Variants in PTPRT observed in about 807,000 individuals in gnomAD.
The protein encoded by PTPRT is receptor-type tyrosine-protein phosphatase T.
Under a neutral mutation model 176.8 loss-of-function variants are expected in PTPRT, and 56 were observed. The observed-to-expected ratio is 0.32, with a 90% CI of 0.26 to 0.40. The LOEUF is 0.40. Ranked by LOEUF, PTPRT falls within the 10% of genes least tolerant of loss-of-function variation. PTPRT has a pLI of 1.00. For synonymous variants in PTPRT, 783 were observed against 739.0 expected (o/e 1.06, Z -0.96); for missense variants, 1,540 against 1,908.2 (o/e 0.81, Z 3.60).
chr20:42,408,406 G>T (rs901908210), intron 9 of PTPRT, among the ~76,000 whole-genome samples: 2 of 152,046 alleles, frequency 1.3e-5, no homozygotes, highest in Admixed American at 6.6e-5. Context: ...ATGTGTGTCT[G>T]TGTCTATCTT....
chr20:42,619,636 A>G (rs1233518553), intron 7 of PTPRT, among the ~76,000 whole-genome samples: 3 of 134,176 alleles, frequency 2.2e-5, no homozygotes, highest in East Asian at 2.0e-4. Context: ...GGCTTTGCTC[A>G]TTTCTTTTTA....
At chr20:42,123,927 G>T (rs1173794931) in intron 19 of PTPRT, among the ~76,000 whole-genome samples, 1 of 152,138 alleles carries the variant, frequency 6.6e-6, no homozygotes, top group Non-Finnish European at 1.5e-5. Flanking sequence ...AGTTGAATGG[G>T]AGCTCCATGA....
chr20:42,482,920 A>C (rs913094533), intron 7 of PTPRT, among the ~76,000 whole-genome samples: 4 of 152,216 alleles, frequency 2.6e-5, no homozygotes, highest in African/African-American at 9.7e-5. Context: ...TGAGAAAAAC[A>C]GACTAAAACA....
intron 12 of PTPRT, among the ~76,000 whole-genome samples, chr20:42,295,788 G>A (rs1036653846): frequency 6.6e-6 from 1 of 152,194 alleles, no homozygotes; most frequent in Admixed American, 6.5e-5. Flanking sequence ...GAGGGACCTT[G>A]TGGGAGGTGA....
intron 1 of PTPRT, among the ~76,000 whole-genome samples, chr20:42,964,654 T>C (rs1982193788): frequency 6.6e-6 from 1 of 152,184 alleles, no homozygotes; most frequent in African/African-American, 2.4e-5. Flanking sequence ...TTTAAAGACA[T>C]ATATCAAACC....
At chr20:42,486,962 A>G (rs1214770987) in intron 7 of PTPRT, among the ~76,000 whole-genome samples, 3 of 152,182 alleles carry the variant, frequency 2.0e-5, no homozygotes, top group Non-Finnish European at 4.4e-5. Context: ...GGGTGGGAGT[A>G]GCAGAGGTGA....
In PTPRT at chr20:42,073,747, G is replaced by T. The variant is rs1600443949; in HGVS notation, c.*7132C>A. 1 of 223,986 alleles carries T rather than the reference G, an allele frequency of 4.5e-6. No homozygotes were observed. The highest frequency in any genetic ancestry group is 6.4e-5 in the East Asian group (1 of 15,516). The allele number at this position is 223,986 out of a possible 1,614,324, so 13.9% of individuals were successfully genotyped here. A position where few individuals can be genotyped will look rare whatever the true frequency, so the allele number is the denominator to read the frequency against. On this transcript the variant is annotated 3_prime_UTR_variant, in exon 31 of 31. Coordinates refer to ENST00000373187, the MANE Select transcript of PTPRT (RefSeq NM_007050.6). ...GGGCACTTGGGTGGGAGAGCAGGGG[G>T]CTTCAGCCTGTACAGACCAAACACA...
At chr20:42,131,478 T>A (rs1386423950) in intron 18 of PTPRT, among the ~76,000 whole-genome samples, 6 of 152,202 alleles carry the variant, frequency 3.9e-5, no homozygotes, top group East Asian at 3.8e-4. Flanking sequence ...AGGGAATTTT[T>A]AAAATATAAA....
At chr20:42,571,560 A>G (rs2073154383) in intron 7 of PTPRT, among the ~76,000 whole-genome samples, 1 of 152,238 alleles carries the variant, frequency 6.6e-6, no homozygotes, top group Non-Finnish European at 1.5e-5. Flanking sequence ...GCAGCAAGAG[A>G]AAACTAATCC....
At chr20:42,330,563 C>A (rs571836069) in intron 11 of PTPRT, among the ~76,000 whole-genome samples, 2 of 152,072 alleles carry the variant, frequency 1.3e-5, no homozygotes, top group East Asian at 1.9e-4. Context: ...TAAACAATAA[C>A]TTTAAGCAAG....
At chr20:42,866,124 C>T (rs939508216) in intron 2 of PTPRT, among the ~76,000 whole-genome samples, 2 of 152,186 alleles carry the variant, frequency 1.3e-5, no homozygotes, top group Admixed American at 6.5e-5. Flanking sequence ...AAAATACCCT[C>T]GGTGATTCTG....
At chr20:42,784,180 G>A (rs1280066261) in intron 3 of PTPRT, among the ~76,000 whole-genome samples, 27 of 152,306 alleles carry the variant, frequency 1.8e-4, no homozygotes, top group Admixed American at 1.6e-3. Flanking sequence ...CCCCACAAGA[G>A]GCTCTGAGAT....
intron 13 of PTPRT, among the ~76,000 whole-genome samples, chr20:42,272,394 C>T (rs997983742): frequency 6.6e-6 from 1 of 151,768 alleles, no homozygotes; most frequent in African/African-American, 2.4e-5. Context: ...TTCTAAGTGG[C>T]TATTTTTTAG....
chr20:42,546,007 T>C (rs2072667182), intron 7 of PTPRT, among the ~76,000 whole-genome samples: 1 of 152,210 alleles, frequency 6.6e-6, no homozygotes, highest in Admixed American at 6.5e-5. Flanking sequence ...ATATTTCTTA[T>C]ATCTCTTTCA....
intron 3 of PTPRT, among the ~76,000 whole-genome samples, chr20:42,788,536 C>A (rs1168634524): frequency 6.6e-6 from 1 of 152,202 alleles, no homozygotes; most frequent in Non-Finnish European, 1.5e-5. Flanking sequence ...TGGTCCCAAA[C>A]AAGGCTACTT....
At chr20:42,828,363 G>A (rs528414192) in intron 2 of PTPRT, among the ~76,000 whole-genome samples, 3 of 152,170 alleles carry the variant, frequency 2.0e-5, no homozygotes, top group Admixed American at 1.3e-4. Context: ...GCATTCAAGA[G>A]GAAGCAGAAA....
chr20:42,605,424 C>G (rs566993464), intron 7 of PTPRT, among the ~76,000 whole-genome samples: 12 of 152,308 alleles, frequency 7.9e-5, no homozygotes, highest in African/African-American at 2.6e-4. Flanking sequence ...AGGCCCTTGT[C>G]ACTCCCTGCT....
intron 1 of PTPRT, among the ~76,000 whole-genome samples, chr20:42,953,666 C>T (rs888742230): frequency 1.3e-5 from 2 of 152,140 alleles, no homozygotes; most frequent in Non-Finnish European, 2.9e-5. Context: ...CTGCCCAGCC[C>T]GTGGAGAAGC....
rs187925311 is a variant in PTPRT, at chr20:42,471,462, C to G, written c.1450+804G>C. ...TGGCACCGCCAATCTTTTGCGCCTG[C>G]TTTGGCCACGTAGTGTTCCTGCTCC... is the stretch of plus-strand genomic sequence containing the variant. On this transcript the variant is annotated intron_variant, in intron 8 of 30. Coordinates refer to ENST00000373187, the MANE Select transcript of PTPRT (RefSeq NM_007050.6). Among the ~76,000 whole-genome samples the G allele has an allele frequency of 2.8e-3, 428 of 152,280 alleles. 11 individuals carry two copies. Among genetic ancestry groups the G allele is most frequent in the Non-Finnish European group, 9.3e-4 (63 of 68,024 alleles).
Sources: gnomAD v4.1 joint callset for allele counts (sites outside exome capture counted in the v4.1 genomes callset) on GRCh38, gnomAD v4.1.1 for gene constraint, MANE v1.5 for transcripts, NCBI Gene and HGNC (gene_info 2026-07-23, HGNC 2026-07-21) for gene names.